The following SPOCK3 variants were observed in gnomAD, a reference collection of about 807,000 sequenced individuals.
SPOCK3 encodes testican-3.
SPOCK3 carries 30 observed loss-of-function variants against 56.6 expected under a neutral mutation model. The ratio of observed to expected loss-of-function variants is 0.53; its 90% CI spans 0.40 to 0.72. SPOCK3 has a LOEUF of 0.72. Ranked by LOEUF, SPOCK3 falls within the 30% of genes least tolerant of loss-of-function variation. The pLI, the probability that SPOCK3 is intolerant of heterozygous loss-of-function variation, is 0.00. For missense variants in SPOCK3, 527 were observed against 530.0 expected (o/e 0.99, Z 0.06); for synonymous variants, 196 against 183.3 (o/e 1.07, Z -0.56).
intron 4 of SPOCK3, among the ~76,000 whole-genome samples, chr4:166,984,056 A>G (rs1380077412): frequency 3.9e-5 from 6 of 152,086 alleles, no homozygotes; most frequent in Non-Finnish European, 8.8e-5. Flanking sequence ...TATCACCTTC[A>G]TCAATATGCT....
chr4:166,804,740 C>A (rs2126702199), intron 6 of SPOCK3, among the ~76,000 whole-genome samples: 1 of 152,228 alleles, frequency 6.6e-6, no homozygotes, highest in East Asian at 1.9e-4. Context: ...TACATGTTTC[C>A]TTTGTCCCCA....
Position 166,863,234 on chromosome 4 carries a change from C to T in SPOCK3, c.589+25896G>A, listed in dbSNP as rs566545178. Among the ~76,000 whole-genome samples the T allele has an allele frequency of 1.4e-3, 206 of 152,190 alleles. 1 individual carries two copies. The highest frequency in any genetic ancestry group is 2.0e-3 in the Admixed American group (30 of 15,278). ...GCTGAGGGATTTTGTACCACCAGGC[C>T]TGCCTTACAAGAGCTCCTGAATATG... On this transcript the variant is annotated intron_variant, in intron 6 of 10. Coordinates refer to ENST00000357545, the MANE Select transcript of SPOCK3 (RefSeq NM_001040159.2).
At chr4:166,857,912 T>G (rs1416682820) in intron 6 of SPOCK3, among the ~76,000 whole-genome samples, 1 of 152,192 alleles carries the variant, frequency 6.6e-6, no homozygotes. Context: ...CTATGTATCT[T>G]GGGGATAACA....
At chr4:166,800,907 T>C (rs1384249801) in intron 6 of SPOCK3, among the ~76,000 whole-genome samples, 2 of 152,184 alleles carry the variant, frequency 1.3e-5, no homozygotes, top group Admixed American at 1.3e-4. Flanking sequence ...TCATGCATGC[T>C]TCATTCATGG....
At chr4:166,996,180 T>C (rs1172246859) in intron 4 of SPOCK3, among the ~76,000 whole-genome samples, 1 of 152,152 alleles carries the variant, frequency 6.6e-6, no homozygotes, top group African/African-American at 2.4e-5. Context: ...CAAAAGCACT[T>C]CCTTATTCTT....
At chr4:166,990,579 A>G (rs1051759273) in intron 4 of SPOCK3, among the ~76,000 whole-genome samples, 13 of 152,104 alleles carry the variant, frequency 8.5e-5, no homozygotes, top group African/African-American at 3.1e-4. Flanking sequence ...AAAGTTTAAA[A>G]ATTAATATGC....
At chr4:167,079,678 C>A (rs1040725133) in intron 2 of SPOCK3, among the ~76,000 whole-genome samples, 3 of 151,968 alleles carry the variant, frequency 2.0e-5, no homozygotes, top group African/African-American at 7.2e-5. Context: ...TCAATTGAAT[C>A]TTGTAAGCAG....
At chr4:166,873,830 T>C (rs548810530) in intron 6 of SPOCK3, among the ~76,000 whole-genome samples, 2 of 152,112 alleles carry the variant, frequency 1.3e-5, no homozygotes, top group Admixed American at 6.5e-5. Flanking sequence ...TAGAACTCAA[T>C]AGAAACAAAA....
At chr4:166,922,375 T>C (rs1738594891) in intron 4 of SPOCK3, among the ~76,000 whole-genome samples, 1 of 152,176 alleles carries the variant, frequency 6.6e-6, no homozygotes, top group African/African-American at 2.4e-5. Context: ...ATAAGGACAA[T>C]ATAGAGCCTA....
chr4:166,855,545 C>T (rs564073266), intron 6 of SPOCK3, among the ~76,000 whole-genome samples: 9 of 151,234 alleles, frequency 6.0e-5, no homozygotes, highest in South Asian at 2.1e-4. Flanking sequence ...AAAATATTTT[C>T]GCTGTAAAAT....
intron 2 of SPOCK3, among the ~76,000 whole-genome samples, chr4:167,098,125 G>T (rs554025433): frequency 6.6e-6 from 1 of 151,992 alleles, no homozygotes; most frequent in African/African-American, 2.4e-5. Flanking sequence ...GACCTGTGAC[G>T]CAACTCTTAT....
chr4:166,904,527 T>C (rs2127068622), intron 5 of SPOCK3, among the ~76,000 whole-genome samples: 1 of 152,194 alleles, frequency 6.6e-6, no homozygotes, highest in South Asian at 2.1e-4. Flanking sequence ...AAATAAATTC[T>C]AGTAACATAG....
chr4:166,903,874 G>A (rs3936140), intron 5 of SPOCK3, among the ~76,000 whole-genome samples: 114,992 of 151,822 alleles, frequency 0.76, 43,602 homozygotes, highest in East Asian at 0.82. Flanking sequence ...ATTGTGGGAA[G>A]AATATAATTT....
intron 6 of SPOCK3, among the ~76,000 whole-genome samples, chr4:166,835,160 A>G (rs1490610804): frequency 6.6e-6 from 1 of 152,120 alleles, no homozygotes; most frequent in Non-Finnish European, 1.5e-5. Context: ...ACAGAATAGT[A>G]AAGGTTTCTG....
At chr4:166,755,809 G>GT (rs56800508) in intron 7 of SPOCK3, among the ~76,000 whole-genome samples, 3 of 147,058 alleles carry the variant, frequency 2.0e-5, no homozygotes, top group East Asian at 2.0e-4. Flanking sequence ...TATTTTGATA[G>GT]TTTTTTTTCT....
intron 4 of SPOCK3, among the ~76,000 whole-genome samples, chr4:166,976,972 C>G (rs1351219340): frequency 6.6e-6 from 1 of 151,534 alleles, no homozygotes; most frequent in Non-Finnish European, 1.5e-5. Context: ...TGCAAAGAAA[C>G]AAATTGAGAA....
In SPOCK3 at chr4:166,867,269, GATA is replaced by G. The variant is rs917945612; in HGVS notation, c.589+21858_589+21860del. Reference sequence around the variant, plus strand: ...TAATAATAACTATAAAGATAATAATGATAATAATTTCTCGGATAAAGTGATGGA... The same window carrying G: ...TAATAATAACTATAAAGATAATAATGATAATTTCTCGGATAAAGTGATGGA... On this transcript the variant is annotated intron_variant, in intron 6 of 10. Transcript: ENST00000357545. 7.2e-5 allele frequency among the ~76,000 whole-genome samples: 11 copies of G among 151,864 alleles called. No individual in the cohort carries two copies. The South Asian group carries it at 1.2e-3, about 17-fold the overall frequency.
intron 2 of SPOCK3, among the ~76,000 whole-genome samples, chr4:167,188,836 C>T (rs1437515848): frequency 6.9e-6 from 1 of 145,752 alleles, no homozygotes; most frequent in African/African-American, 2.6e-5. Context: ...CCAATAAATG[C>T]AACAGTTTAA....
intron 6 of SPOCK3, among the ~76,000 whole-genome samples, chr4:166,837,737 A>C (rs968102314): frequency 6.6e-6 from 1 of 152,120 alleles, no homozygotes; most frequent in Non-Finnish European, 1.5e-5. Flanking sequence ...AGTCAATTTT[A>C]TTGACTTTTA....
Sources: allele counts gnomAD v4.1 joint callset (sites outside exome capture counted in the v4.1 genomes callset), GRCh38; gene constraint gnomAD v4.1.1; transcripts MANE v1.5; gene names NCBI Gene and HGNC (gene_info 2026-07-23, HGNC 2026-07-21).